ZNG1A: variants seen among roughly 807,000 people sequenced by gnomAD.
ZNG1A encodes the protein zinc-regulated GTPase metalloprotein activator 1A.
the ZNG1A span, chr9:172,232 A>G: frequency 3.1e-6 from 5 of 1,596,278 alleles, no homozygotes; most frequent in Non-Finnish European, 4.3e-6. Flanking sequence ...AGTGATTATT[A>G]TAAACACTTT....
At chr9:131,793 G>A in the ZNG1A span, among the ~76,000 whole-genome samples, 13 of 149,748 alleles carry the variant, frequency 8.7e-5, no homozygotes, top group Middle Eastern at 3.4e-3. Flanking sequence ...GTATCTTCCC[G>A]CATGGTCTCC....
the ZNG1A span, among the ~76,000 whole-genome samples, chr9:178,486 G>A: frequency 1.3e-3 from 146 of 109,716 alleles, 11 homozygotes; most frequent in African/African-American, 3.7e-3. Flanking sequence ...CCATTTTCAG[G>A]TGAGGTAGAT....
the ZNG1A span, chr9:120,992 T>G: frequency 1.8e-5 from 3 of 166,480 alleles, no homozygotes; most frequent in Non-Finnish European, 3.9e-5. Flanking sequence ...TGGAGAAACC[T>G]GACAAACACT....
At chr9:158,000 T>C in the ZNG1A span, among the ~76,000 whole-genome samples, 1 of 149,618 alleles carries the variant, frequency 6.7e-6, no homozygotes, top group African/African-American at 2.5e-5. Flanking sequence ...CAAAATCTTG[T>C]TCAATTCAAC....
At chr9:156,524 A>G in the ZNG1A span, 1 of 1,595,788 alleles carries the variant, frequency 6.3e-7, no homozygotes, top group Non-Finnish European at 8.5e-7. Flanking sequence ...TCTTCTGTTA[A>G]ATGCTAAACA....
At chr9:174,296 A>G in the ZNG1A span, among the ~76,000 whole-genome samples, 1 of 152,166 alleles carries the variant, frequency 6.6e-6, no homozygotes, top group African/African-American at 2.4e-5. Flanking sequence ...GAAATATACC[A>G]AACAGTGAAG....
the ZNG1A span, chr9:154,349 A>C: frequency 2.6e-6 from 1 of 385,200 alleles, no homozygotes; most frequent in African/African-American, 2.1e-5. Flanking sequence ...ATACATTACG[A>C]GTAAAGACAG....
At chr9:121,452 G>T in the ZNG1A span, 7 of 1,608,122 alleles carry the variant, frequency 4.4e-6, no homozygotes, top group Non-Finnish European at 5.9e-6. Flanking sequence ...CTTTTGATAA[G>T]AAATGCCTCT....
At chr9:160,697 A>G in the ZNG1A span, among the ~76,000 whole-genome samples, 2 of 149,946 alleles carry the variant, frequency 1.3e-5, no homozygotes, top group Non-Finnish European at 3.0e-5. Flanking sequence ...TAAAATACAT[A>G]AACAGTTTGA....
chr9:172,389 T>C, the ZNG1A span: 2 of 467,658 alleles, frequency 4.3e-6, no homozygotes, highest in Non-Finnish European at 7.7e-6. Context: ...AGAAATCATA[T>C]ACATAATACT....
chr9:121,470 T>C, the ZNG1A span: 516 of 1,611,236 alleles, frequency 3.2e-4, 4 homozygotes, highest in South Asian at 5.2e-3. Context: ...TCTAGTGTTA[T>C]GTACAAACTT....
chr9:151,071 T>G, the ZNG1A span: 1 of 984,866 alleles, frequency 1.0e-6, no homozygotes, highest in African/African-American at 1.8e-5. Flanking sequence ...ATCAGAGACT[T>G]TCTACAATGG....
chr9:177,524 G>A, the ZNG1A span, among the ~76,000 whole-genome samples: 1 of 151,360 alleles, frequency 6.6e-6, no homozygotes, highest in African/African-American at 2.4e-5. Context: ...GAAGGAGGAG[G>A]GAGCCTTAAA....
chr9:140,321 C>G, the ZNG1A span, among the ~76,000 whole-genome samples: 45 of 151,046 alleles, frequency 3.0e-4, no homozygotes, highest in South Asian at 1.3e-3. Context: ...GATCTGAGAA[C>G]GGGCAGACTG....
the ZNG1A span, among the ~76,000 whole-genome samples, chr9:169,616 T>G: frequency 4.1e-5 from 6 of 146,602 alleles, no homozygotes; most frequent in Admixed American, 4.1e-4. Context: ...TGCAGCAAAC[T>G]TCATTATTAT....
chr9:143,096 G>T, the ZNG1A span, among the ~76,000 whole-genome samples: 1 of 144,068 alleles, frequency 6.9e-6, no homozygotes, highest in African/African-American at 2.7e-5. Context: ...TAGATTCACA[G>T]CTGAATTCTA....
the ZNG1A span, among the ~76,000 whole-genome samples, chr9:144,992 A>C: frequency 2.8e-4 from 43 of 151,366 alleles, 1 homozygote; most frequent in East Asian, 5.6e-3. Flanking sequence ...CAAAACCACA[A>C]TGAGATACTA....
the ZNG1A span, among the ~76,000 whole-genome samples, chr9:129,669 G>A: frequency 5.1e-4 from 71 of 140,244 alleles, no homozygotes; most frequent in East Asian, 0.014. Context: ...AGAGGGAGAC[G>A]AAAATTGGGG....
chr9:143,373 T>C, the ZNG1A span, among the ~76,000 whole-genome samples: 49 of 144,986 alleles, frequency 3.4e-4, no homozygotes, highest in African/African-American at 1.2e-3. Flanking sequence ...ATCCCTGGGA[T>C]GCAAGGCTGG....
Sources: gnomAD v4.1 joint callset for allele counts (sites outside exome capture counted in the v4.1 genomes callset) on GRCh38, gnomAD v4.1.1 for gene constraint, MANE v1.5 for transcripts, NCBI Gene and HGNC (gene_info 2026-07-23, HGNC 2026-07-21) for gene names.